Variants in PRRT4 observed in about 807,000 individuals in gnomAD.
PRRT4 encodes proline-rich transmembrane protein 4.
In PRRT4, 59 loss-of-function variants were observed where a neutral mutation model predicts 55.6. The observed-to-expected ratio is 1.06, with a 90% CI of 0.86 to 1.32. The LOEUF is 1.32. PRRT4 is among the 40% of genes most tolerant of loss of function. The pLI, the probability that PRRT4 is intolerant of heterozygous loss-of-function variation, is 0.00. For synonymous variants in PRRT4, 606 were observed against 601.8 expected (o/e 1.01, Z -0.10); for missense variants, 1,217 against 1,222.0 (o/e 1.00, Z 0.06).
chr7:128,358,625 G>C lies in PRRT4; in HGVS notation c.877+56C>G. Reference sequence around the variant, plus strand: ...GTCCCAGAACACTGATGAGTGACTAGCATGTAGTAAGTGCTCAATAAATAA... The same window carrying C: ...GTCCCAGAACACTGATGAGTGACTACCATGTAGTAAGTGCTCAATAAATAA... On this transcript the variant is annotated intron_variant, in intron 4 of 4. Transcript: ENST00000535159. This position sits in a 1 kb window ranked among gnomAD's most constrained non-coding sequence, Gnocchi z 4.4. The C allele has an allele frequency of 2.8e-6, 4 of 1,444,938 alleles. No individual in the cohort carries two copies. Among genetic ancestry groups the C allele is most frequent in the Non-Finnish European group, 3.8e-6 (4 of 1,051,866 alleles). The allele number at this position is 1,444,938 out of a possible 1,614,324, so 89.5% of individuals were successfully genotyped here. A position where few individuals can be genotyped will look rare whatever the true frequency, so the allele number is the denominator to read the frequency against.
chr7:128,359,024 A>T, intron 3 of PRRT4, 125 bp downstream of exon 4: 1 of 1,236,650 alleles, frequency 8.1e-7, no homozygotes, highest in Non-Finnish European at 1.2e-6. Flanking sequence ...GTAGTAGCCC[A>T]TATCCTAGGG....
intron 3 of PRRT4, 89 bp downstream of exon 4, chr7:128,359,059 TA>T (rs890782380): frequency 1.4e-6 from 2 of 1,381,044 alleles, no homozygotes; most frequent in Non-Finnish European, 2.0e-6. Flanking sequence ...TGCAAGAAAG[TA>T]AAAAAAGAAA....
intron 4 of PRRT4, among the ~76,000 whole-genome samples, chr7:128,357,145 G>A (rs1026158431): frequency 6.6e-6 from 1 of 151,662 alleles, no homozygotes; most frequent in Admixed American, 6.6e-5. Flanking sequence ...GTTGCACTTA[G>A]GTTAGAAAGA....
exon 5 of PRRT4, chr7:128,351,483 G>C: frequency 1.3e-6 from 2 of 1,519,570 alleles, no homozygotes; most frequent in Non-Finnish European, 1.8e-6. Flanking sequence ...GGCAACCTCC[G>C]CCCTGGAGTA....
rs991674135 is a variant in PRRT4, at chr7:128,351,530, G to A, written c.2026C>T (p.Gln676Ter). 3.4e-6 allele frequency: 5 copies of A among 1,485,980 alleles called. No individual in the cohort carries two copies. Among genetic ancestry groups the A allele is most frequent in the Non-Finnish European group, 4.5e-6 (5 of 1,122,852 alleles). 92.0% of individuals were successfully genotyped at this position (1,485,980 alleles called of 1,614,324 possible). ...CCTGGCCCTGCCAGCGCGCACAGCT[G>A]CAGCAGCTCCGCGTCCCCGCGAGCG... The change falls in exon 5 of 5, where the codon CAG becomes TAG. Residue 676 changes from glutamine to a stop codon, truncating the protein, a stop_gained. Transcript: ENST00000535159. LOFTEE classifies it high-confidence loss of function.
chr7:128,350,546 T>TG, downstream of PRRT4: 1 of 362,426 alleles, frequency 2.8e-6, no homozygotes, highest in Non-Finnish European at 5.1e-6. Context: ...AGCACCAGAG[T>TG]GGGGAGTGGT....
chr7:128,356,578 GAGCA>G (rs1797115726), intron 4 of PRRT4, among the ~76,000 whole-genome samples: 1 of 152,268 alleles, frequency 6.6e-6, no homozygotes, highest in Non-Finnish European at 1.5e-5. Context: ...TCTCTCTCCT[GAGCA>G]AGCCTCCTTT....
In PRRT4 at chr7:128,358,651, T is replaced by G; in HGVS notation, c.877+30A>C. 1 of 1,547,294 alleles carries G rather than the reference T, an allele frequency of 6.5e-7. No individual in the cohort carries two copies. Among genetic ancestry groups the G allele is most frequent in the Non-Finnish European group, 8.7e-7 (1 of 1,143,198 alleles). On this transcript the variant is annotated intron_variant, in intron 4 of 4. Transcript: ENST00000535159. This position sits in a 1 kb window ranked among gnomAD's most constrained non-coding sequence, Gnocchi z 4.4. The stretch of plus-strand genomic sequence containing the variant: ...CATGTAGTAAGTGCTCAATAAATAA[T>G]TGTCAAGTTCAAATGAATTGGATAC...
chr7:128,354,126 A>T (rs1364702373), intron 4 of PRRT4, among the ~76,000 whole-genome samples: 1 of 152,254 alleles, frequency 6.6e-6, no homozygotes, highest in East Asian at 1.9e-4. Context: ...CCAAAGACAG[A>T]TATGGAATGT....
chr7:128,357,197 G>A (rs1797128310), intron 4 of PRRT4, among the ~76,000 whole-genome samples: 2 of 135,330 alleles, frequency 1.5e-5, no homozygotes, highest in Non-Finnish European at 1.7e-5. Flanking sequence ...TATGGTAACT[G>A]CTTGATACAA....
intron 4 of PRRT4, among the ~76,000 whole-genome samples, chr7:128,356,188 G>A (rs1797108548): frequency 6.6e-6 from 1 of 152,118 alleles, no homozygotes; most frequent in Non-Finnish European, 1.5e-5. Context: ...GAACCCGGAG[G>A]ATGCAGTGAG....
chr7:128,358,743 C>A lies in PRRT4; in HGVS notation c.815G>T (p.Ser272Ile). 1 of 1,551,648 alleles carries A rather than the reference C, an allele frequency of 6.4e-7. No individual in the cohort carries two copies. ...AGCAGCTGGGTCCAGAGGACTTGGG[C>A]TGGAGAGCTTCCTCTCCAGGGAGTA... The change falls in exon 4 of 5, where the codon AGC becomes ATC. Residue 272 changes from serine to isoleucine, a missense_variant. By Grantham distance (142) the Ser-to-Ile change is moderately radical (BLOSUM62 -2). Transcript: ENST00000535159. This position sits in a 1 kb window ranked among gnomAD's most constrained non-coding sequence, Gnocchi z 4.4.
chr7:128,360,468 C>A (rs540342135), intron 1 of PRRT4, among the ~76,000 whole-genome samples: 10 of 152,214 alleles, frequency 6.6e-5, no homozygotes, highest in Non-Finnish European at 1.5e-4. Flanking sequence ...AACAAGCAAG[C>A]CCTTCCGATG....
At chr7:128,351,415 C>T in exon 5 of PRRT4, 1 of 1,533,054 alleles carries the variant, frequency 6.5e-7, no homozygotes, top group Non-Finnish European at 8.8e-7. Context: ...GGTGTAATCG[C>T]TGCAGGGAGA....
Position 128,358,178 on chromosome 7 carries a change from G to A in PRRT4, c.877+503C>T, listed in dbSNP as rs1355518062. Among the ~76,000 whole-genome samples the A allele has an allele frequency of 1.3e-5, 2 of 152,168 alleles. No individual in the cohort carries two copies. The highest frequency in any genetic ancestry group is 2.4e-5 in the African/African-American group (1 of 41,422). On this transcript the variant is annotated intron_variant, in intron 4 of 4. Transcript: ENST00000535159. This position sits in a 1 kb window ranked among gnomAD's most constrained non-coding sequence, Gnocchi z 4.4. ...CTTTCCTCGTACCACCAGCTTGTCC[G>A]TGTGCATGTTCTGAAAGGCTTTCTT...
chr7:128,353,331 T>C (rs557966148), intron 4 of PRRT4, among the ~76,000 whole-genome samples: 1 of 152,234 alleles, frequency 6.6e-6, no homozygotes, highest in African/African-American at 2.4e-5. Flanking sequence ...TTATCTCTTG[T>C]TCTGCACCCC....
exon 5 of PRRT4, chr7:128,351,281 G>A (rs1257101495): frequency 1.3e-6 from 2 of 1,541,348 alleles, no homozygotes; most frequent in Non-Finnish European, 1.7e-6. Flanking sequence ...TAGAGTCCGA[G>A]CCCAGGCAGA....
At chr7:128,360,818 T>A (rs1181944027) in intron 1 of PRRT4, among the ~76,000 whole-genome samples, 2 of 151,956 alleles carry the variant, frequency 1.3e-5, no homozygotes, top group Non-Finnish European at 2.9e-5. Context: ...GGCGGACTCC[T>A]ACCCCCTCCC....
At chr7:128,359,934 T>C (rs1178947180) in exon 2 of PRRT4, 3 of 1,453,858 alleles carry the variant, frequency 2.1e-6, no homozygotes, top group Non-Finnish European at 2.7e-6. Flanking sequence ...GGGCCCACAG[T>C]AGCAGCAAAC....
Sources: gnomAD v4.1 joint callset for allele counts (sites outside exome capture counted in the v4.1 genomes callset) on GRCh38, gnomAD v4.1.1 for gene constraint, Gnocchi (gnomAD v3.1) non-coding constraint, MANE v1.5 for transcripts, NCBI Gene and HGNC (gene_info 2026-07-23, HGNC 2026-07-21) for gene names.